RUNX1: variants seen among roughly 807,000 people sequenced by gnomAD.
RUNX1 encodes runt-related transcription factor 1.
A neutral mutation model predicts 42.8 loss-of-function variants in RUNX1; 19 were observed. The ratio of observed to expected loss-of-function variants is 0.44; its 90% confidence interval spans 0.31 to 0.65. The LOEUF is 0.65. Among genes scored for constraint, RUNX1 ranks in the 30% least tolerant of loss-of-function variants. The pLI is 0.07. For synonymous variants in RUNX1, 271 were observed against 289.4 expected, an observed-to-expected ratio of 0.94 and a Z score of 0.64; for missense variants, 528 against 672.0, an observed-to-expected ratio of 0.79 and a Z score of 2.37.
intron 6 of RUNX1, among the ~76,000 whole-genome samples, chr21:34,846,805 T>C (rs1438934800): frequency 6.6e-6 from 1 of 152,182 alleles, no homozygotes; most frequent in African/African-American, 2.4e-5. Context: ...TGAGACTGGC[T>C]GAATCACCCG....
intron 2 of RUNX1, among the ~76,000 whole-genome samples, chr21:34,938,395 C>G (rs962505572): frequency 6.6e-6 from 1 of 152,092 alleles, no homozygotes; most frequent in Non-Finnish European, 1.5e-5. Flanking sequence ...TGGCTTTATT[C>G]TCTCTTAACC....
At chr21:34,974,004 C>T (rs896039463) in intron 2 of RUNX1, among the ~76,000 whole-genome samples, 4 of 152,032 alleles carry the variant, frequency 2.6e-5, no homozygotes, top group Admixed American at 1.3e-4. Flanking sequence ...CTGGATTATC[C>T]AAAGAATTGT....
At chr21:35,008,595 C>A (rs1320293564) in intron 2 of RUNX1, among the ~76,000 whole-genome samples, 3 of 152,226 alleles carry the variant, frequency 2.0e-5, no homozygotes, top group Non-Finnish European at 4.4e-5. Flanking sequence ...TCTGCATAGG[C>A]AGACTTTCTA....
intron 2 of RUNX1, among the ~76,000 whole-genome samples, chr21:34,952,493 A>G (rs2146674404): frequency 6.6e-6 from 1 of 152,268 alleles, no homozygotes; most frequent in East Asian, 1.9e-4. Context: ...ACCACTTGGT[A>G]CTTTTTATTC....
intron 2 of RUNX1, among the ~76,000 whole-genome samples, chr21:35,014,973 A>G (rs1642861093): frequency 6.6e-6 from 1 of 152,226 alleles, no homozygotes; most frequent in South Asian, 2.1e-4. Context: ...CACAGCCCAC[A>G]CAGCTGTCCT....
intron 6 of RUNX1, among the ~76,000 whole-genome samples, chr21:34,838,010 C>A (rs144776957): frequency 0.029 from 4,472 of 152,242 alleles, 79 homozygotes; most frequent in African/African-American, 0.048. Flanking sequence ...AAAAATAAGT[C>A]AATGCCGTTT....
chr21:34,914,966 A>C (rs2058300813), intron 2 of RUNX1, among the ~76,000 whole-genome samples: 1 of 152,210 alleles, frequency 6.6e-6, no homozygotes, highest in Admixed American at 6.5e-5. Context: ...CAGTGAGCTG[A>C]GGCCTTGCTT....
chr21:34,886,136 C>T (rs1049346483), intron 4 of RUNX1, among the ~76,000 whole-genome samples: 5 of 152,358 alleles, frequency 3.3e-5, no homozygotes, highest in Non-Finnish European at 7.3e-5. Flanking sequence ...CGAAAACAGC[C>T]TCGTCACCTT....
chr21:34,871,122 T>A (rs2146302759), intron 5 of RUNX1, among the ~76,000 whole-genome samples: 1 of 152,270 alleles, frequency 6.6e-6, no homozygotes, highest in East Asian at 1.9e-4. Flanking sequence ...TCCTCGGGGC[T>A]CCTGAGCACA....
At chr21:34,983,163 T>C (rs1216634749) in intron 2 of RUNX1, among the ~76,000 whole-genome samples, 2 of 152,334 alleles carry the variant, frequency 1.3e-5, no homozygotes, top group East Asian at 1.9e-4. Context: ...AAGGCTTTAT[T>C]GAACCCACCA....
intron 2 of RUNX1, among the ~76,000 whole-genome samples, chr21:35,011,516 A>C (rs1215293191): frequency 6.6e-6 from 1 of 152,228 alleles, no homozygotes; most frequent in Non-Finnish European, 1.5e-5. Context: ...AACAGAAAAG[A>C]ACTTAAAACA....
At position 34,888,291 on chromosome 21, in the gene RUNX1, C is replaced by A. The variant is rs743289; in HGVS notation, c.98-1195G>T. On this transcript the variant is annotated intron_variant, in intron 3 of 8. Coordinates refer to ENST00000675419, the MANE Select transcript of RUNX1 (RefSeq NM_001754.5). ...TGAGGGAGGGCTCCGCGGCGCAGAT[C>A]GAAACAGATCGGGCGGCTCGGGTTA... The A allele has an allele frequency of 7.7e-4, 820 of 1,067,520 alleles. 5 individuals are homozygous for A. The African/African-American group carries it at 0.012, about 16-fold the overall frequency. 66.1% of individuals were successfully genotyped at this position (1,067,520 alleles called of 1,614,324 possible).
intron 2 of RUNX1, among the ~76,000 whole-genome samples, chr21:34,930,767 T>C (rs996203690): frequency 1.3e-5 from 2 of 151,876 alleles, no homozygotes; most frequent in Admixed American, 6.6e-5. Flanking sequence ...CTTTCAGAGA[T>C]AAAATTTTGA....
Position 34,790,444 on chromosome 21 carries a change from A to G in RUNX1, c.*1691T>C, listed in dbSNP as rs1601328919. 4 of 233,752 alleles carry G rather than the reference A, an allele frequency of 1.7e-5. No homozygotes were observed. The East Asian group carries it at 2.4e-4, about 14-fold the overall frequency. 14.5% of individuals were successfully genotyped at this position (233,752 alleles called of 1,614,324 possible). A position where few individuals can be genotyped will look rare whatever the true frequency, so the allele number is the denominator to read the frequency against. ...GTTAAATAACCACCAGATCATTTGG[A>G]GCACACATGTGTCAAAATCAGCAGT... On this transcript the variant is annotated 3_prime_UTR_variant, in exon 9 of 9. Transcript: ENST00000675419.
At chr21:35,006,642 G>A (rs994323234) in intron 2 of RUNX1, among the ~76,000 whole-genome samples, 16 of 152,156 alleles carry the variant, frequency 1.1e-4, no homozygotes, top group Admixed American at 3.3e-4. Flanking sequence ...ACAGCACCGC[G>A]CACATAAGGG....
At chr21:34,968,120 G>C (rs1048132468) in intron 2 of RUNX1, among the ~76,000 whole-genome samples, 1 of 152,218 alleles carries the variant, frequency 6.6e-6, no homozygotes, top group Admixed American at 6.5e-5. Context: ...GAGTTGTTTA[G>C]ATCCAGGACT....
At chr21:34,827,398 AGCCTG>A (rs1271238730) in intron 7 of RUNX1, among the ~76,000 whole-genome samples, 1 of 152,246 alleles carries the variant, frequency 6.6e-6, no homozygotes, top group Non-Finnish European at 1.5e-5. Context: ...GAAAATTCGC[AGCCTG>A]GCCATGTAAA....
At position 34,930,214 on chromosome 21, in the gene RUNX1, C is replaced by T. The variant is rs868661547; in HGVS notation, c.59-37251G>A. Reference sequence around the variant, plus strand: ...CATATATATTATATATACATATATACATGTATATATATTATATATACATAT... The same window carrying T: ...CATATATATTATATATACATATATATATGTATATATATTATATATACATAT... On this transcript the variant is annotated intron_variant, in intron 2 of 8. Transcript: ENST00000675419. 6.7e-5 allele frequency among the ~76,000 whole-genome samples: 9 copies of T among 133,382 alleles called. 1 individual carries two copies. The highest frequency in any genetic ancestry group is 6.1e-4 in the East Asian group (3 of 4,936). 87.5% of individuals were successfully genotyped at this position (133,382 alleles called of 152,430 possible).
intron 2 of RUNX1, among the ~76,000 whole-genome samples, chr21:35,028,297 G>T (rs1215132293): frequency 6.6e-6 from 1 of 152,156 alleles, no homozygotes; most frequent in Non-Finnish European, 1.5e-5. Context: ...CAAACGCTTT[G>T]AGGATTCTTA....
Sources: gnomAD v4.1 joint callset for allele counts (sites outside exome capture counted in the v4.1 genomes callset) on GRCh38, gnomAD v4.1.1 for gene constraint, MANE v1.5 for transcripts, NCBI Gene and HGNC (gene_info 2026-07-23, HGNC 2026-07-21) for gene names.